The following ZGPAT variants were observed in gnomAD, a reference collection of about 807,000 sequenced individuals.
ZGPAT encodes zinc finger CCCH-type and G-patch domain containing.
ZGPAT carries 39 observed loss-of-function variants against 47.9 expected under a neutral mutation model. The ratio of observed to expected loss-of-function variants is 0.81; its 90% confidence interval spans 0.63 to 1.06. ZGPAT has a LOEUF of 1.06. ZGPAT is among the 50% of genes least tolerant of loss of function. The pLI is 0.00. For missense variants in ZGPAT, 717 were observed against 681.4 expected, an observed-to-expected ratio of 1.05 and a Z score of -0.58; for synonymous variants, 348 against 292.9, an observed-to-expected ratio of 1.19 and a Z score of -1.92.
chr20:63,735,383 G>C lies in ZGPAT; in HGVS notation c.1216G>C (p.Ala406Pro), dbSNP rs1601354661. Residue 406 changes from alanine (A) to proline (P), a missense_variant, in exon 6 of 7, where the codon GCT (alanine) becomes CCT (proline). By Grantham distance (27) the Ala-to-Pro change is conservative. Coordinates refer to ENST00000355969, the MANE Select transcript of ZGPAT (RefSeq NM_181485.3). ...CCTCAATGAAAAGCTGCAAGGTCAG[G>C]CTCCTGGGGCCCTAGAAGCCGGGGC... Reference protein sequence around the residue: ...DFLNEKLQGQAPGALEAGAAP... With the variant: ...DFLNEKLQGQPPGALEAGAAP... The C allele has an allele frequency of 1.9e-6, 3 of 1,553,220 alleles. No homozygotes were observed. The highest frequency in any genetic ancestry group is 2.6e-6 in the Non-Finnish European group (3 of 1,152,618).
At chr20:63,735,017 C>A (rs1360977166) in intron 5 of ZGPAT, 142 bp from the exon 6 acceptor site, 4 of 1,342,454 alleles carry the variant, frequency 3.0e-6, no homozygotes, top group Non-Finnish European at 3.9e-6. Context: ...TCCTCAGATT[C>A]CCAGGGTCCT....
At chr20:63,718,863 A>C (rs1175433969) in intron 2 of ZGPAT, among the ~76,000 whole-genome samples, 1 of 151,962 alleles carries the variant, frequency 6.6e-6, no homozygotes, top group East Asian at 1.9e-4. Context: ...TCAGGAGATC[A>C]AGACCACCCT....
upstream of ZGPAT, chr20:63,707,822 G>C (rs1349088168): frequency 6.6e-6 from 1 of 152,456 alleles, no homozygotes; most frequent in Non-Finnish European, 1.5e-5. Context: ...CGAGTCCTGG[G>C]CCGCCCCTCG....
chr20:63,730,734 G>A (rs1433250246), intron 2 of ZGPAT, among the ~76,000 whole-genome samples: 4 of 152,032 alleles, frequency 2.6e-5, no homozygotes, highest in Non-Finnish European at 5.9e-5. Flanking sequence ...CACCCGTCTC[G>A]GCCTCCCAAA....
intron 3 of ZGPAT, 73 bp from the exon 4 acceptor site, chr20:63,733,514 C>T: frequency 1.2e-6 from 2 of 1,611,930 alleles, no homozygotes; most frequent in Middle Eastern, 1.7e-4. Context: ...CCTTGCTCCT[C>T]ATGTCCAGGG....
At chr20:63,732,712 T>C (rs1227126791) in intron 2 of ZGPAT, among the ~76,000 whole-genome samples, 1 of 150,192 alleles carries the variant, frequency 6.7e-6, no homozygotes. Context: ...ACATGTGTAC[T>C]TGTGTATGTG....
At chr20:63,712,322 GGT>G (rs1601317112) in intron 2 of ZGPAT, among the ~76,000 whole-genome samples, 1 of 152,120 alleles carries the variant, frequency 6.6e-6, no homozygotes, top group Non-Finnish European at 1.5e-5. Flanking sequence ...TATATGTAAG[GGT>G]TTATTTCTGA....
rs756370805 is a variant in ZGPAT at position 63,734,823 on chromosome 20, G to A, written c.990G>A (p.Lys330=). ...CCAAGATGGGCTATGAGTTTGGCAA[G>A]GGTGAGTACAAGCTGCCCTGGAGAA... The part of the protein sequence containing the change: ...LLTKMGYEFG[K]GLGRHAEGRV... Residue 330 remains lysine (K), a splice_region_variant and synonymous_variant, in exon 5 of 7, where the codon AAG becomes AAA. Coordinates refer to ENST00000355969, the MANE Select transcript of ZGPAT (RefSeq NM_181485.3). The A allele has an allele frequency of 1.9e-6, 3 of 1,589,580 alleles. No homozygotes were observed. Among genetic ancestry groups the A allele is most frequent in the Admixed American group, 1.7e-5 (1 of 57,646 alleles).
chr20:63,732,160 CGT>C (rs1384221152), intron 2 of ZGPAT, among the ~76,000 whole-genome samples: 2 of 151,110 alleles, frequency 1.3e-5, no homozygotes, highest in East Asian at 3.9e-4. Context: ...TGTGTGTGCG[CGT>C]GTGGGTGACT....
At chr20:63,726,348 G>A (rs910256430) in intron 2 of ZGPAT, among the ~76,000 whole-genome samples, 4 of 148,456 alleles carry the variant, frequency 2.7e-5, no homozygotes, top group Non-Finnish European at 4.5e-5. Context: ...ATAGGCGCCC[G>A]CCACCACGCC....
At chr20:63,718,362 G>C (rs2091753483) in intron 2 of ZGPAT, among the ~76,000 whole-genome samples, 2 of 150,674 alleles carry the variant, frequency 1.3e-5, no homozygotes, top group South Asian at 4.2e-4. Context: ...AAAGGGTCTT[G>C]CTCTGTCGCC....
Position 63,712,619 on chromosome 20 carries a change from G to A in ZGPAT, c.584+3455G>A, listed in dbSNP as rs559388026. On this transcript the variant is annotated intron_variant, in intron 2 of 6. Coordinates refer to ENST00000355969, the MANE Select transcript of ZGPAT (RefSeq NM_181485.3). Reference sequence around the variant, plus strand: ...TTTACAATATTAAGCCTTCTGGCTGGGTGTGGTGGCTGACGCCTGTAATCC... The same window carrying A: ...TTTACAATATTAAGCCTTCTGGCTGAGTGTGGTGGCTGACGCCTGTAATCC... 6.7e-4 allele frequency among the ~76,000 whole-genome samples: 102 copies of A among 152,288 alleles called. 1 individual carries two copies. The highest frequency in any genetic ancestry group is 2.3e-3 in the African/African-American group (95 of 41,542).
chr20:63,730,434 C>T (rs1485727908), intron 2 of ZGPAT: 9 of 152,282 alleles, frequency 5.9e-5, no homozygotes, highest in African/African-American at 2.2e-4. Flanking sequence ...CCCGTTCCTA[C>T]TGGAAAGACA....
chr20:63,731,023 T>C (rs2091895962), intron 2 of ZGPAT, among the ~76,000 whole-genome samples: 1 of 151,410 alleles, frequency 6.6e-6, no homozygotes, highest in Non-Finnish European at 1.5e-5. Context: ...ACTGGTTCAC[T>C]GATGCCTAAA....
chr20:63,732,700 A>G (rs966010750), intron 2 of ZGPAT, among the ~76,000 whole-genome samples: 1 of 148,084 alleles, frequency 6.8e-6, no homozygotes, highest in Non-Finnish European at 1.5e-5. Flanking sequence ...ATGCATGTGT[A>G]TACATGTGTA....
chr20:63,723,683 C>G (rs887201577), intron 2 of ZGPAT, among the ~76,000 whole-genome samples: 2 of 152,256 alleles, frequency 1.3e-5, no homozygotes, highest in African/African-American at 4.8e-5. Context: ...ATAGCTCCAT[C>G]CCCTCTTCTC....
intron 2 of ZGPAT, among the ~76,000 whole-genome samples, chr20:63,718,382 G>A (rs2091753895): frequency 6.6e-6 from 1 of 151,704 alleles, no homozygotes; most frequent in Non-Finnish European, 1.5e-5. Context: ...CCAGGCTGGA[G>A]AATGGTGGTG....
chr20:63,718,804 C>T (rs919253859), intron 2 of ZGPAT, among the ~76,000 whole-genome samples: 8 of 151,880 alleles, frequency 5.3e-5, no homozygotes, highest in Non-Finnish European at 7.4e-5. Flanking sequence ...CGGTGGCTCA[C>T]GCCTGTAATC....
At chr20:63,730,021 C>CACAG (rs1491157851) in intron 2 of ZGPAT, 1 of 138,250 alleles carries the variant, frequency 7.2e-6, no homozygotes, top group African/African-American at 2.5e-5. Flanking sequence ...CTCTACTGCG[C>CACAG]ACACACACAC....
Sources: gnomAD v4.1 joint callset for allele counts (sites outside exome capture counted in the v4.1 genomes callset) on GRCh38, gnomAD v4.1.1 for gene constraint, MANE v1.5 for transcripts, NCBI Gene and HGNC (gene_info 2026-07-23, HGNC 2026-07-21) for gene names.